Variants in ANKRD31 observed in about 807,000 individuals in gnomAD.
ANKRD31 encodes ankyrin repeat domain-containing protein 31.
ANKRD31 carries 147 observed loss-of-function variants against 186.0 expected under a neutral mutation model. The observed-to-expected ratio is 0.79, with a 90% CI of 0.69 to 0.91. ANKRD31 has a LOEUF of 0.91. Among genes scored for constraint, ANKRD31 ranks in the 40% least tolerant of loss-of-function variants. The probability of loss-of-function intolerance (pLI) is 0.00; values close to 1 mark genes in which losing one functional copy is unlikely to be tolerated. For missense variants in ANKRD31, 1,986 were observed against 2,148.8 expected, an observed-to-expected ratio of 0.92 and a Z score of 1.50; for synonymous variants, 673 against 736.4, an observed-to-expected ratio of 0.91 and a Z score of 1.39.
At chr5:75,207,962 AG>A (rs1756363055) in intron 4 of ANKRD31, among the ~76,000 whole-genome samples, 1 of 152,126 alleles carries the variant, frequency 6.6e-6, no homozygotes, top group Non-Finnish European at 1.5e-5. Flanking sequence ...TCTACATATT[AG>A]AAACTAAAAT....
At chr5:75,216,529 C>T (rs925901790) in intron 3 of ANKRD31, among the ~76,000 whole-genome samples, 1 of 152,040 alleles carries the variant, frequency 6.6e-6, no homozygotes, top group East Asian at 1.9e-4. Flanking sequence ...TCAGAAGTTA[C>T]AAAATTAATT....
chr5:75,178,901 A>C (rs963298839), intron 10 of ANKRD31, among the ~76,000 whole-genome samples: 2 of 152,336 alleles, frequency 1.3e-5, no homozygotes, highest in Non-Finnish European at 2.9e-5. Flanking sequence ...GAACTGAAGG[A>C]AATAGAGACA....
rs190563537 is a variant in ANKRD31 at position 75,225,121 on chromosome 5, T to C, written c.179-2763A>G. On this transcript the variant is annotated intron_variant, in intron 2 of 25. Transcript: ENST00000506364. The stretch of plus-strand genomic sequence containing the variant: ...GGTTGTAGGGAGAAGGAGACATCTT[T>C]TTTGGGGGAAATATATGTCAAGAGC... Among the ~76,000 whole-genome samples the C allele has an allele frequency of 5.3e-5, 8 of 152,334 alleles. No individual in the cohort carries two copies. In the East Asian group the frequency reaches 1.5e-3, roughly 29 times the overall value.
At chr5:75,165,233 T>C (rs960326282) in intron 11 of ANKRD31, among the ~76,000 whole-genome samples, 2 of 152,068 alleles carry the variant, frequency 1.3e-5, no homozygotes, top group Non-Finnish European at 2.9e-5. Context: ...GTCCCAAGCA[T>C]TGCAAATAAA....
intron 10 of ANKRD31, among the ~76,000 whole-genome samples, chr5:75,169,770 A>G (rs1753185384): frequency 6.6e-6 from 1 of 152,190 alleles, no homozygotes; most frequent in Non-Finnish European, 1.5e-5. Flanking sequence ...AGCTCTTCTC[A>G]GAACACTCAT....
chr5:75,189,781 T>C (rs73114819), intron 9 of ANKRD31, among the ~76,000 whole-genome samples: 7,429 of 152,252 alleles, frequency 0.049, 391 homozygotes, highest in African/African-American at 0.13. Flanking sequence ...ATTCCTAGTT[T>C]GCTGAGAATT....
intron 3 of ANKRD31, among the ~76,000 whole-genome samples, chr5:75,221,654 A>C (rs968208465): frequency 3.3e-5 from 5 of 152,152 alleles, no homozygotes; most frequent in Admixed American, 1.3e-4. Flanking sequence ...GTGTTGGTTC[A>C]CTTATACATG....
intron 19 of ANKRD31, among the ~76,000 whole-genome samples, chr5:75,116,281 G>A: frequency 9.6e-6 from 1 of 104,542 alleles, no homozygotes; most frequent in Admixed American, 1.3e-4. Flanking sequence ...AGGGGGGAGG[G>A]ATAGCATTGG....
intron 17 of ANKRD31, among the ~76,000 whole-genome samples, chr5:75,122,702 G>A (rs1037183026): frequency 6.6e-6 from 1 of 152,110 alleles, no homozygotes; most frequent in East Asian, 1.9e-4. Flanking sequence ...TTCAATAGAT[G>A]TGGAAAAAGC....
chr5:75,068,511 C>A lies in ANKRD31; in HGVS notation c.*8G>T. 6.9e-7 allele frequency: 1 copy of A among 1,459,780 alleles called. No homozygotes were observed. Among genetic ancestry groups the A allele is most frequent in the Non-Finnish European group, 9.0e-7 (1 of 1,113,472 alleles). 90.4% of individuals were successfully genotyped at this position (1,459,780 alleles called of 1,614,324 possible). A position where few individuals can be genotyped will look rare whatever the true frequency, so the allele number is the denominator to read the frequency against. On this transcript the variant is annotated 3_prime_UTR_variant, in exon 26 of 26. Transcript: ENST00000506364. ...AAATATCCAATAAAATATTAAGAAA[C>A]CAAGGTTTTAGGGTGTTAGTTCCTC...
At chr5:75,211,171 AC>A (rs1381418187) in intron 3 of ANKRD31, among the ~76,000 whole-genome samples, 1 of 152,036 alleles carries the variant, frequency 6.6e-6, no homozygotes, top group African/African-American at 2.4e-5. Context: ...CCTCTCCACA[AC>A]CCATGGCAGC....
In ANKRD31 at chr5:75,236,617, T is replaced by A; in HGVS notation, c.70A>T (p.Ser24Cys). ...ETVIEGSVTE[S>C]DLEEKELPWR... is the part of the protein sequence containing the mutation. ...GGCAGCTCCTTTTCTTCCAGGTCGC[T>A]CTCCGTCACTGAACCCTCTATCACA... The change falls in exon 1 of 26, where the codon AGC (serine) becomes TGC (cysteine). Residue 24 changes from serine (S) to cysteine (C), a missense_variant. By Grantham distance (112) the Ser-to-Cys change is moderately radical (BLOSUM62 -1). Coordinates refer to ENST00000506364, the MANE Select transcript of ANKRD31 (RefSeq NM_001372053.1). The A allele has an allele frequency of 6.5e-7, 1 of 1,537,256 alleles. No individual in the cohort carries two copies. The highest frequency in any genetic ancestry group is 8.7e-7 in the Non-Finnish European group (1 of 1,146,884).
chr5:75,129,105 C>T (rs1749513327), intron 17 of ANKRD31, among the ~76,000 whole-genome samples: 1 of 152,070 alleles, frequency 6.6e-6, no homozygotes, highest in Non-Finnish European at 1.5e-5. Flanking sequence ...CCCCCTAGTG[C>T]TACCTCTTGA....
intron 23 of ANKRD31, among the ~76,000 whole-genome samples, chr5:75,090,838 T>C (rs1315053766): frequency 6.6e-6 from 1 of 152,256 alleles, no homozygotes; most frequent in Non-Finnish European, 1.5e-5. Flanking sequence ...CTTGCCCATT[T>C]CTTTTGTATT....
intron 17 of ANKRD31, among the ~76,000 whole-genome samples, chr5:75,134,647 C>T (rs1750400319): frequency 6.6e-6 from 1 of 152,142 alleles, no homozygotes; most frequent in African/African-American, 2.4e-5. Flanking sequence ...AGAGGGAATC[C>T]TCCCTAACTC....
intron 22 of ANKRD31, among the ~76,000 whole-genome samples, chr5:75,095,568 C>A (rs1328404958): frequency 1.3e-5 from 2 of 152,150 alleles, no homozygotes; most frequent in Admixed American, 1.3e-4. Flanking sequence ...CCCACTCTAT[C>A]CTGCCCAGGA....
chr5:75,223,089 A>G (rs1355963644), intron 2 of ANKRD31, among the ~76,000 whole-genome samples: 2 of 152,200 alleles, frequency 1.3e-5, no homozygotes, highest in Non-Finnish European at 2.9e-5. Flanking sequence ...ATTTCTTCAC[A>G]GCCTTGACAG....
chr5:75,087,222 T>C (rs1405143014), intron 23 of ANKRD31, among the ~76,000 whole-genome samples: 1 of 152,134 alleles, frequency 6.6e-6, no homozygotes, highest in East Asian at 1.9e-4. Context: ...AGAAATCTGT[T>C]CGTGGATGGC....
intron 25 of ANKRD31, among the ~76,000 whole-genome samples, chr5:75,077,982 A>G (rs184076276): frequency 3.3e-5 from 5 of 151,424 alleles, no homozygotes; most frequent in Admixed American, 6.6e-5. Flanking sequence ...GGTCTAATGT[A>G]TACAAAATAA....
Sources: allele counts gnomAD v4.1 joint callset (sites outside exome capture counted in the v4.1 genomes callset), GRCh38; gene constraint gnomAD v4.1.1; transcripts MANE v1.5; gene names NCBI Gene and HGNC (gene_info 2026-07-23, HGNC 2026-07-21).